Variants in CTNNA2 observed in about 807,000 individuals in gnomAD.
CTNNA2 encodes the protein catenin alpha 2.
CTNNA2 carries 42 observed loss-of-function variants against 101.0 expected under a neutral mutation model. The observed-to-expected ratio is 0.42, with a 90% CI of 0.32 to 0.54. The LOEUF (loss-of-function observed/expected upper bound fraction) is 0.54, where lower values mean the gene tolerates loss of function less well. Among genes scored for constraint, CTNNA2 ranks in the 20% least tolerant of loss-of-function variants. The pLI, the probability that CTNNA2 is intolerant of heterozygous loss-of-function variation, is 0.14. For missense variants in CTNNA2, 871 were observed against 1,223.1 expected, an observed-to-expected ratio of 0.71 and a Z score of 4.29; for synonymous variants, 450 against 456.4, an observed-to-expected ratio of 0.99 and a Z score of 0.18.
At chr2:80,368,118 G>A (rs1187798275) in intron 7 of CTNNA2, among the ~76,000 whole-genome samples, 1 of 152,006 alleles carries the variant, frequency 6.6e-6, no homozygotes, top group African/African-American at 2.4e-5. Context: ...AACCTCAGAG[G>A]CCATATCAAT....
At chr2:80,602,982 T>G (rs1697682582) in intron 15 of CTNNA2, among the ~76,000 whole-genome samples, 1 of 152,124 alleles carries the variant, frequency 6.6e-6, no homozygotes, top group Non-Finnish European at 1.5e-5. Flanking sequence ...TTTTGTCTTC[T>G]ATTTTATAAA....
At chr2:79,993,373 T>C (rs779493340) in intron 7 of CTNNA2, among the ~76,000 whole-genome samples, 39 of 152,168 alleles carry the variant, frequency 2.6e-4, no homozygotes, top group Non-Finnish European at 4.9e-4. Context: ...CCACGTGGGC[T>C]TCAAAGTGAG....
intron 7 of CTNNA2, among the ~76,000 whole-genome samples, chr2:80,127,351 C>T (rs1322847556): frequency 6.6e-6 from 1 of 152,172 alleles, no homozygotes; most frequent in African/African-American, 2.4e-5. Context: ...GGAACTCCAG[C>T]TATGCCTTTT....
intron 2 of CTNNA2, among the ~76,000 whole-genome samples, chr2:79,667,604 G>C (rs941516816): frequency 5.9e-5 from 9 of 152,058 alleles, no homozygotes; most frequent in African/African-American, 1.9e-4. Flanking sequence ...CTTTATGATG[G>C]GAAGGCATAC....
At chr2:80,553,196 C>G (rs940591616) in intron 11 of CTNNA2, among the ~76,000 whole-genome samples, 2 of 149,568 alleles carry the variant, frequency 1.3e-5, no homozygotes, top group Non-Finnish European at 3.0e-5. Flanking sequence ...TGCACTCCAG[C>G]CTGGGCGACA....
At chr2:79,588,530 T>C (rs1676641058) in intron 1 of CTNNA2, among the ~76,000 whole-genome samples, 1 of 152,188 alleles carries the variant, frequency 6.6e-6, no homozygotes, top group Non-Finnish European at 1.5e-5. Flanking sequence ...CTAAATGATA[T>C]CTTTGAAGTT....
chr2:80,508,969 A>AT (rs1302208371), intron 9 of CTNNA2, among the ~76,000 whole-genome samples: 39 of 151,666 alleles, frequency 2.6e-4, no homozygotes, highest in African/African-American at 8.7e-4. Context: ...TATCTTTGTT[A>AT]TTTTTTCCAT....
chr2:79,771,972 T>C (rs766236830), intron 3 of CTNNA2, among the ~76,000 whole-genome samples: 1 of 152,182 alleles, frequency 6.6e-6, no homozygotes, highest in Non-Finnish European at 1.5e-5. Flanking sequence ...TGTGCTAAAA[T>C]GAGCCTTTGG....
intron 7 of CTNNA2, among the ~76,000 whole-genome samples, chr2:80,152,702 A>T (rs72813802): frequency 4.0e-5 from 6 of 150,284 alleles, no homozygotes; most frequent in Non-Finnish European, 7.4e-5. Flanking sequence ...TTGTACTTAA[A>T]AAAAAAAAAA....
At chr2:80,578,992 T>C (rs944664568) in intron 13 of CTNNA2, 4 of 152,170 alleles carry the variant, frequency 2.6e-5, no homozygotes, top group Non-Finnish European at 5.9e-5. Context: ...TAAAGCATTT[T>C]CCTATACATC....
chr2:80,488,259 T>G (rs17019225), intron 9 of CTNNA2, among the ~76,000 whole-genome samples: 9 of 152,060 alleles, frequency 5.9e-5, no homozygotes, highest in Non-Finnish European at 1.2e-4. Flanking sequence ...ACTCATTTCA[T>G]AAATTCATAA....
chr2:80,176,370 G>A (rs529708546), intron 7 of CTNNA2, among the ~76,000 whole-genome samples: 5 of 152,194 alleles, frequency 3.3e-5, no homozygotes, highest in African/African-American at 9.6e-5. Flanking sequence ...ATAAAATGAA[G>A]ATATTTTCTT....
chr2:79,260,850 A>G (rs1674912484), intron 2 of CTNNA2, among the ~76,000 whole-genome samples: 1 of 152,176 alleles, frequency 6.6e-6, no homozygotes, highest in African/African-American at 2.4e-5. Context: ...ATTGACTCTT[A>G]AGCCAAATCC....
At chr2:80,016,084 T>C (rs1198434833) in intron 7 of CTNNA2, among the ~76,000 whole-genome samples, 1 of 152,200 alleles carries the variant, frequency 6.6e-6, no homozygotes, top group Non-Finnish European at 1.5e-5. Context: ...AATATGTATA[T>C]AAATAAAAAG....
In CTNNA2 at chr2:80,465,299, G is replaced by T. The variant is rs1684760577; in HGVS notation, c.1290+45698G>T. ...AGGGGTATGGTCTTAATACATATGT[G>T]CTTGTGAATAATTCCCCAAATTATG... On this transcript the variant is annotated intron_variant, in intron 9 of 18. Transcript: ENST00000402739. 2.6e-5 allele frequency among the ~76,000 whole-genome samples: 4 copies of T among 152,150 alleles called. No homozygotes were observed. The South Asian group carries it at 6.2e-4, about 24-fold the overall frequency.
chr2:79,649,074 A>C lies in CTNNA2; in HGVS notation c.-5-2478A>C, dbSNP rs554053059. On this transcript the variant is annotated intron_variant, in intron 1 of 18. Coordinates refer to ENST00000402739, the MANE Select transcript of CTNNA2 (RefSeq NM_001282597.3). ...ACCTTCAGGACTGAAGGCCCTAACT[A>C]ACACTTGCTTCTTGGCTCATAGTTG... 3.9e-5 allele frequency among the ~76,000 whole-genome samples: 6 copies of C among 152,206 alleles called. No individual in the cohort carries two copies. The East Asian group carries it at 1.2e-3, about 30-fold the overall frequency.
chr2:80,033,379 C>T (rs971008828), intron 7 of CTNNA2, among the ~76,000 whole-genome samples: 1 of 151,928 alleles, frequency 6.6e-6, no homozygotes, highest in African/African-American at 2.4e-5. Context: ...TCAAGACCAG[C>T]TTGGGCAACA....
chr2:80,150,676 A>G (rs553635290), intron 7 of CTNNA2, among the ~76,000 whole-genome samples: 8 of 152,308 alleles, frequency 5.3e-5, no homozygotes, highest in African/African-American at 1.9e-4. Flanking sequence ...TGATTATTGT[A>G]TTTAAATAAA....
chr2:80,421,682 G>T (rs148747730), intron 9 of CTNNA2, among the ~76,000 whole-genome samples: 45 of 152,036 alleles, frequency 3.0e-4, no homozygotes, highest in Non-Finnish European at 4.3e-4. Flanking sequence ...ATTTCCCATG[G>T]ATGGTCACTG....
Sources: gnomAD v4.1 joint callset for allele counts (sites outside exome capture counted in the v4.1 genomes callset) on GRCh38, gnomAD v4.1.1 for gene constraint, MANE v1.5 for transcripts, NCBI Gene and HGNC (gene_info 2026-07-23, HGNC 2026-07-21) for gene names.